Variants in MEF2C observed in about 807,000 individuals in gnomAD.
MEF2C encodes myocyte-specific enhancer factor 2C.
In MEF2C, 6 loss-of-function variants were observed where a neutral mutation model predicts 50.5. The observed-to-expected ratio is 0.12, with a 90% CI of 0.07 to 0.23. The LOEUF (loss-of-function observed/expected upper bound fraction) is 0.23, where lower values mean the gene tolerates loss of function less well. MEF2C is among the 10% of genes least tolerant of loss of function. The pLI is 1.00. For synonymous variants in MEF2C, 183 were observed against 228.0 expected, an observed-to-expected ratio of 0.80 and a Z score of 1.78; for missense variants, 276 against 605.0, an observed-to-expected ratio of 0.46 and a Z score of 5.70.
At chr5:88,849,856 T>G (rs1317660445) in intron 1 of MEF2C, among the ~76,000 whole-genome samples, 1 of 152,208 alleles carries the variant, frequency 6.6e-6, no homozygotes, top group Non-Finnish European at 1.5e-5. Context: ...TGTAGGATTA[T>G]GTGGTAATTA....
At chr5:88,897,469 A>G (rs1329702338) in intron 1 of MEF2C, among the ~76,000 whole-genome samples, 1 of 152,186 alleles carries the variant, frequency 6.6e-6, no homozygotes, top group Non-Finnish European at 1.5e-5. Context: ...GTGAATGTGT[A>G]TGCTCTACAC....
intron 6 of MEF2C, chr5:88,748,744 G>A (rs540442111): frequency 1.0e-6 from 1 of 980,528 alleles, no homozygotes; most frequent in South Asian, 4.7e-5. Context: ...ATGATTAACA[G>A]AGAACACAAA....
At chr5:88,794,492 G>T (rs1416810890) in intron 3 of MEF2C, among the ~76,000 whole-genome samples, 2 of 151,980 alleles carry the variant, frequency 1.3e-5, no homozygotes, top group Non-Finnish European at 2.9e-5. Flanking sequence ...TGATGGGGTT[G>T]TTTTTTTCCT....
At chr5:88,726,228 T>TA (rs1758642194) in intron 10 of MEF2C, among the ~76,000 whole-genome samples, 1 of 152,108 alleles carries the variant, frequency 6.6e-6, no homozygotes, top group South Asian at 2.1e-4. Context: ...GGAGCTGAAA[T>TA]ATATTCCACT....
At chr5:88,823,985 A>T in intron 1 of MEF2C, 55 bp from the exon 2 acceptor site, 1 of 1,334,480 alleles carries the variant, frequency 7.5e-7, no homozygotes. Flanking sequence ...GTTTCATAAG[A>T]ACTATCATAT....
intron 8 of MEF2C, chr5:88,729,618 T>C: frequency 2.5e-6 from 1 of 406,594 alleles, no homozygotes; most frequent in Non-Finnish European, 4.5e-6. Context: ...AAAAACAGAC[T>C]ATGTTGAAAA....
At chr5:88,892,296 A>G (rs1834677799) in intron 1 of MEF2C, 1 of 152,256 alleles carries the variant, frequency 6.6e-6, no homozygotes, top group Non-Finnish European at 1.5e-5. Flanking sequence ...TTGATTATGC[A>G]TATGGTTTAA....
chr5:88,740,136 A>C, intron 6 of MEF2C: 12 of 985,162 alleles, frequency 1.2e-5, no homozygotes, highest in Non-Finnish European at 1.3e-5. Context: ...CTTCTCTTTG[A>C]CCATGTCACC....
intron 1 of MEF2C, among the ~76,000 whole-genome samples, chr5:88,860,150 T>C (rs1040531376): frequency 1.3e-5 from 2 of 152,176 alleles, no homozygotes; most frequent in Admixed American, 6.5e-5. Context: ...TTTTACATAA[T>C]GGCAATATGT....
chr5:88,824,159 A>T, intron 1 of MEF2C: 1 of 939,846 alleles, frequency 1.1e-6, no homozygotes, highest in Non-Finnish European at 1.3e-6. Flanking sequence ...CAAGTCATTT[A>T]AATGATGCAA....
chr5:88,798,393 T>C (rs1180254196), intron 3 of MEF2C, among the ~76,000 whole-genome samples: 2 of 152,050 alleles, frequency 1.3e-5, no homozygotes, highest in East Asian at 3.9e-4. Context: ...AAATTTGATT[T>C]TCAATCTCTT....
chr5:88,743,407 A>C, intron 6 of MEF2C: 1 of 985,310 alleles, frequency 1.0e-6, no homozygotes, highest in Non-Finnish European at 1.2e-6. Context: ...TATTCTTGAA[A>C]ACAAATACTT....
At chr5:88,748,021 G>A in intron 6 of MEF2C, 8 of 975,926 alleles carry the variant, frequency 8.2e-6, no homozygotes, top group Non-Finnish European at 9.7e-6. Context: ...GGAAGCTAGT[G>A]TTATTCATCT....
intron 10 of MEF2C, among the ~76,000 whole-genome samples, chr5:88,727,530 TCA>T (rs1759407385): frequency 6.6e-6 from 1 of 152,122 alleles, no homozygotes; most frequent in Non-Finnish European, 1.5e-5. Context: ...TGTTTTATTC[TCA>T]CTGTCTCCTT....
At chr5:88,736,104 G>C (rs1763962726) in intron 6 of MEF2C, 21 of 985,172 alleles carry the variant, frequency 2.1e-5, no homozygotes, top group Non-Finnish European at 2.5e-5. Flanking sequence ...CATATCCAAT[G>C]AGATACCAAA....
At chr5:88,759,941 C>T (rs1473104177) in intron 4 of MEF2C, among the ~76,000 whole-genome samples, 1 of 152,214 alleles carries the variant, frequency 6.6e-6, no homozygotes, top group Non-Finnish European at 1.5e-5. Context: ...AATTTGGCCT[C>T]GAACTTTGTC....
chr5:88,719,830 A>G lies in MEF2C; in HGVS notation c.*2774T>C, dbSNP rs1755685677. The G allele has an allele frequency of 6.6e-6, 1 of 152,228 alleles. No individual in the cohort carries two copies. Among genetic ancestry groups the G allele is most frequent in the African/African-American group, 2.4e-5 (1 of 41,464 alleles). The allele number at this position is 152,228 out of a possible 1,614,324, so 9.4% of individuals were successfully genotyped here. On this transcript the variant is annotated 3_prime_UTR_variant, in exon 11 of 11. Transcript: ENST00000504921. ...TTTATAAGAATTCAGTAGTGGGAAC[A>G]AGAGATGACTGGCATCCATTTTCAA...
rs886060858 is a variant in MEF2C, at chr5:88,719,874, T to A, written c.*2730A>T. The stretch of plus-strand genomic sequence containing the variant: ...TTTTCAAGTGATTCTGTTCTCTTCA[T>A]GTTCTTATAAAACTATTGTCAGAAC... On this transcript the variant is annotated 3_prime_UTR_variant, in exon 11 of 11. Transcript: ENST00000504921. 1 of 152,234 alleles carries A rather than the reference T, an allele frequency of 6.6e-6. No individual in the cohort carries two copies. The highest frequency in any genetic ancestry group is 2.4e-5 in the African/African-American group (1 of 41,480). 9.4% of individuals were successfully genotyped at this position (152,234 alleles called of 1,614,324 possible). A position where few individuals can be genotyped will look rare whatever the true frequency, so the allele number is the denominator to read the frequency against.
intron 6 of MEF2C, chr5:88,741,428 T>C (rs916517616): frequency 4.1e-6 from 4 of 985,416 alleles, no homozygotes; most frequent in Non-Finnish European, 4.8e-6. Context: ...ATAATTTGTA[T>C]ATCACATACT....
Sources: allele counts gnomAD v4.1 joint callset (sites outside exome capture counted in the v4.1 genomes callset), GRCh38; gene constraint gnomAD v4.1.1; transcripts MANE v1.5; gene names NCBI Gene and HGNC (gene_info 2026-07-23, HGNC 2026-07-21).